XPO6: variants seen among roughly 807,000 people sequenced by gnomAD.
The protein encoded by XPO6 is exportin-6.
A neutral mutation model predicts 130.0 loss-of-function variants in XPO6; 3 were observed. That is an observed-to-expected ratio of 0.02 (90% CI 0.01 to 0.06). The LOEUF (loss-of-function observed/expected upper bound fraction) is 0.06, where lower values mean the gene tolerates loss of function less well. Ranked by LOEUF, XPO6 falls within the 10% of genes least tolerant of loss-of-function variation. The pLI is 1.00. For missense variants in XPO6, 970 were observed against 1,393.0 expected, an observed-to-expected ratio of 0.70 and a Z score of 4.83; for synonymous variants, 524 against 548.9, an observed-to-expected ratio of 0.95 and a Z score of 0.63.
At position 28,106,529 on chromosome 16, in the gene XPO6, C is replaced by T; in HGVS notation, c.2498-32G>A. ...AAAGGGGCAGAGATATCGTCAGAGG[C>T]TTGCACACAGTGAGAACCAGAACCC... is the stretch of plus-strand genomic sequence containing the variant. On this transcript the variant is annotated intron_variant, in intron 18 of 23. Transcript: ENST00000304658. The surrounding 1 kb of genome is among the most constrained non-coding windows in gnomAD (Gnocchi z 4.2). The T allele has an allele frequency of 6.4e-7, 1 of 1,574,346 alleles. No individual in the cohort carries two copies. The highest frequency in any genetic ancestry group is 8.7e-7 in the Non-Finnish European group (1 of 1,145,240).
chr16:28,144,705 G>C (rs1472100926), intron 9 of XPO6, among the ~76,000 whole-genome samples: 1 of 152,222 alleles, frequency 6.6e-6, no homozygotes, highest in East Asian at 1.9e-4. Flanking sequence ...TATGGGGAAA[G>C]AGTATTCACT....
intron 12 of XPO6, among the ~76,000 whole-genome samples, chr16:28,126,291 G>A (rs2087407535): frequency 6.6e-6 from 1 of 152,158 alleles, no homozygotes; most frequent in African/African-American, 2.4e-5. Context: ...TTTAGGATAG[G>A]GCCCTATCTC....
At chr16:28,108,326 A>C (rs1343754860) in intron 17 of XPO6, among the ~76,000 whole-genome samples, 3 of 152,224 alleles carry the variant, frequency 2.0e-5, no homozygotes, top group Non-Finnish European at 2.9e-5. Context: ...CATATGGCAC[A>C]CAGGGAAAAC....
At chr16:28,138,130 G>A (rs2042816832) in intron 9 of XPO6, among the ~76,000 whole-genome samples, 1 of 152,144 alleles carries the variant, frequency 6.6e-6, no homozygotes, top group African/African-American at 2.4e-5. Context: ...CAACGTCTGT[G>A]GGAAAATTCA....
chr16:28,147,149 T>G (rs908853340), intron 8 of XPO6, among the ~76,000 whole-genome samples: 1 of 152,228 alleles, frequency 6.6e-6, no homozygotes, highest in Non-Finnish European at 1.5e-5. Flanking sequence ...TTTCCATTGC[T>G]GATCCACATG....
Position 28,169,726 on chromosome 16 carries a change from T to C in XPO6, c.565+24A>G, listed in dbSNP as rs1175793188. 6 of 1,611,986 alleles carry C rather than the reference T, an allele frequency of 3.7e-6. No individual in the cohort carries two copies. The South Asian group carries it at 6.6e-5, about 18-fold the overall frequency. On this transcript the variant is annotated intron_variant, in intron 5 of 23. Transcript: ENST00000304658. ...GGGTGCCTGCGGGCAGGCCTCTATC[T>C]CTGGGCACTACCATACTGCTCACCT...
In XPO6 at chr16:28,125,697, G is replaced by A. The variant is rs755256885; in HGVS notation, c.1758C>T (p.Val586=). The A allele has an allele frequency of 7.4e-6, 12 of 1,613,548 alleles. No individual in the cohort carries two copies. The highest frequency in any genetic ancestry group is 1.6e-4 in the Middle Eastern group (1 of 6,080). The change falls in exon 13 of 24, where the codon GTC becomes GTT. Residue 586 remains valine, a synonymous_variant. Transcript: ENST00000304658. ...GGTAACTGCCAGCCTACCTTTCCAC[G>A]ACTGTGAGGGCATCATTGAACCGTG... ...FAARFNDALT[V]VERLVKVTLY... is the part of the protein sequence containing the mutation.
chr16:28,114,191 C>T (rs1397668691), intron 15 of XPO6, among the ~76,000 whole-genome samples: 12 of 122,384 alleles, frequency 9.8e-5, no homozygotes, highest in Middle Eastern at 4.6e-3. Context: ...AATTATTATA[C>T]ATCCTCACAA....
At chr16:28,188,141 A>G (rs1567645215) in intron 1 of XPO6, among the ~76,000 whole-genome samples, 1 of 152,170 alleles carries the variant, frequency 6.6e-6, no homozygotes, top group Non-Finnish European at 1.5e-5. Flanking sequence ...GGGTCTTGCT[A>G]TGTTGCCCAA....
chr16:28,118,691 T>C (rs183392864), intron 14 of XPO6, among the ~76,000 whole-genome samples: 11 of 152,354 alleles, frequency 7.2e-5, no homozygotes, highest in Admixed American at 5.2e-4. Flanking sequence ...TAGATTATTT[T>C]CATTCAAACT....
chr16:28,186,368 G>GTTTTTTTTTTTTTTTTTTTTTTT (rs1484551038), intron 1 of XPO6, among the ~76,000 whole-genome samples: 1 of 20,946 alleles, frequency 4.8e-5, no homozygotes, highest in African/African-American at 2.7e-4. Context: ...TTCTGCCCCA[G>GTTTTTTTTTTTTTTTTTTTTTTT]TTATTCTTTT....
At chr16:28,204,873 G>A (rs1377900080) in intron 1 of XPO6, among the ~76,000 whole-genome samples, 1 of 152,168 alleles carries the variant, frequency 6.6e-6, no homozygotes. Flanking sequence ...CACTGGATAA[G>A]CAACACTTAT....
chr16:28,157,687 G>A (rs1323068529), intron 6 of XPO6, among the ~76,000 whole-genome samples: 1 of 152,184 alleles, frequency 6.6e-6, no homozygotes, highest in African/African-American at 2.4e-5. Context: ...AAACTCCAAA[G>A]CATATGAAGA....
chr16:28,133,892 C>A lies in XPO6; in HGVS notation c.1485G>T (p.Glu495Asp). 6.2e-7 allele frequency: 1 copy of A among 1,614,092 alleles called. No homozygotes were observed. The highest frequency in any genetic ancestry group is 8.5e-7 in the Non-Finnish European group (1 of 1,180,024). Residue 495 changes from glutamate (E) to aspartate (D), a missense_variant, in exon 11 of 24, where the codon GAG becomes GAT. By Grantham distance (45) the Glu-to-Asp change is conservative. Transcript: ENST00000304658. ...GGAGCTCCATCACTTTGGCCACCAC[C>A]TCCAAGCTCTGCCGTAAGTACCGCT... is the stretch of plus-strand genomic sequence containing the variant. ...EWQRYLRQSL[E>D]VVAKVMELLP...
intron 8 of XPO6, among the ~76,000 whole-genome samples, chr16:28,149,069 AAAAAC>A (rs1303167631): frequency 1.4e-4 from 21 of 150,610 alleles, no homozygotes; most frequent in Non-Finnish European, 3.1e-4. Context: ...AAAAAAAAAA[AAAAAC>A]AAAAGGAAGG....
intron 21 of XPO6, among the ~76,000 whole-genome samples, chr16:28,103,993 AG>A (rs941502913): frequency 6.6e-6 from 1 of 152,236 alleles, no homozygotes; most frequent in African/African-American, 2.4e-5. Flanking sequence ...GCCACAGAGC[AG>A]GCTGGCTGTC....
chr16:28,146,238 T>C, intron 8 of XPO6, 35 bp from the exon 9 acceptor site: 2 of 1,414,372 alleles, frequency 1.4e-6, no homozygotes, highest in Non-Finnish European at 2.0e-6. Context: ...AATGAAATTA[T>C]TTAATGCTAC....
At chr16:28,181,164 C>T (rs1308567408) in intron 1 of XPO6, 133 bp from the exon 2 acceptor site, 2 of 655,804 alleles carry the variant, frequency 3.0e-6, no homozygotes, top group East Asian at 2.8e-5. Context: ...TCTTCAAATG[C>T]ATGGTATATG....
chr16:28,188,671 CAAAAAAAAAAA>C (rs144107071), intron 1 of XPO6, among the ~76,000 whole-genome samples: 5 of 65,656 alleles, frequency 7.6e-5, no homozygotes, highest in Non-Finnish European at 1.5e-4. Flanking sequence ...TTCACCACTG[CAAAAAAAAAAA>C]AAAAAAAAAA....
Sources: gnomAD v4.1 joint callset for allele counts (sites outside exome capture counted in the v4.1 genomes callset) on GRCh38, gnomAD v4.1.1 for gene constraint, Gnocchi (gnomAD v3.1) non-coding constraint, MANE v1.5 for transcripts, NCBI Gene and HGNC (gene_info 2026-07-23, HGNC 2026-07-21) for gene names.